CYP7B1: variants seen among roughly 807,000 people sequenced by gnomAD.
CYP7B1 encodes cytochrome P450 family 7 subfamily B member 1, also known as cytochrome P450 7B1.
A neutral mutation model predicts 42.7 loss-of-function variants in CYP7B1; 29 were observed. The ratio of observed to expected loss-of-function variants is 0.68; its 90% CI spans 0.51 to 0.93. The LOEUF is 0.93. CYP7B1 is among the 40% of genes least tolerant of loss of function. CYP7B1 has a pLI of 0.00. For synonymous variants in CYP7B1, 235 were observed against 218.2 expected (o/e 1.08, Z -0.68); for missense variants, 655 against 600.5 (o/e 1.09, Z -0.95).
chr8:64,688,829 A>G (rs2129632160), intron 1 of CYP7B1, among the ~76,000 whole-genome samples: 1 of 152,316 alleles, frequency 6.6e-6, no homozygotes, highest in African/African-American at 2.4e-5. Flanking sequence ...CAGGAGACTG[A>G]GGTGGGAGGA....
chr8:64,629,710 C>A (rs1019340144), intron 1 of CYP7B1, among the ~76,000 whole-genome samples: 2 of 152,166 alleles, frequency 1.3e-5, no homozygotes, highest in African/African-American at 4.8e-5. Context: ...TTCATAGTAC[C>A]TCTTGGAACT....
chr8:64,674,777 C>G (rs955481579), intron 1 of CYP7B1, among the ~76,000 whole-genome samples: 3 of 152,042 alleles, frequency 2.0e-5, no homozygotes, highest in Non-Finnish European at 4.4e-5. Flanking sequence ...AAAAATAAAA[C>G]AATACCTTTG....
intron 1 of CYP7B1, among the ~76,000 whole-genome samples, chr8:64,625,604 C>A (rs1047433611): frequency 1.3e-5 from 2 of 152,148 alleles, no homozygotes; most frequent in Admixed American, 6.5e-5. Context: ...TTAGTTTTGA[C>A]TAATATTTAT....
At chr8:64,625,307 A>G (rs939426901) in intron 1 of CYP7B1, among the ~76,000 whole-genome samples, 1 of 152,096 alleles carries the variant, frequency 6.6e-6, no homozygotes, top group Non-Finnish European at 1.5e-5. Context: ...CATCCTGGTG[A>G]GCAATTTTTT....
At chr8:64,704,412 T>C (rs904005257) in intron 1 of CYP7B1, among the ~76,000 whole-genome samples, 1 of 152,116 alleles carries the variant, frequency 6.6e-6, no homozygotes, top group African/African-American at 2.4e-5. Context: ...ATTTAATTCA[T>C]ATAATATGAC....
At chr8:64,766,583 C>A (rs965070478) in intron 1 of CYP7B1, among the ~76,000 whole-genome samples, 3 of 151,516 alleles carry the variant, frequency 2.0e-5, no homozygotes, top group African/African-American at 7.3e-5. Context: ...GGCTCTGGAA[C>A]AGGGAAAGGC....
chr8:64,634,318 C>T (rs1260768343), intron 1 of CYP7B1, among the ~76,000 whole-genome samples: 1 of 151,888 alleles, frequency 6.6e-6, no homozygotes, highest in East Asian at 1.9e-4. Context: ...ACCTGCAATC[C>T]CAGCACCTTG....
intron 1 of CYP7B1, among the ~76,000 whole-genome samples, chr8:64,694,879 C>T (rs141428473): frequency 4.3e-4 from 66 of 152,294 alleles, no homozygotes; most frequent in African/African-American, 1.5e-3. Context: ...AAAAGTTATA[C>T]ATAAATACAT....
Position 64,798,465 on chromosome 8 carries a change from C to G in CYP7B1, c.122+1G>C. 6.6e-7 allele frequency: 1 copy of G among 1,511,820 alleles called. No individual in the cohort carries two copies. Among genetic ancestry groups the G allele is most frequent in the Non-Finnish European group, 8.8e-7 (1 of 1,138,620 alleles). The allele number at this position is 1,511,820 out of a possible 1,614,324, so 93.7% of individuals were successfully genotyped here. A position where few individuals can be genotyped will look rare whatever the true frequency, so the allele number is the denominator to read the frequency against. On this transcript the variant is annotated splice_donor_variant, in intron 1 of 5. Transcript: ENST00000310193. LOFTEE classifies it high-confidence loss of function. ...CGTGGCCTGGCGGCCGAGGCGCTTA[C>G]CTGGTGCGCCGGACAAGCAAGCAGA...
At chr8:64,766,228 T>G (rs573912211) in intron 1 of CYP7B1, among the ~76,000 whole-genome samples, 1 of 152,244 alleles carries the variant, frequency 6.6e-6, no homozygotes, top group East Asian at 1.9e-4. Flanking sequence ...AGCCTATAAA[T>G]TATTCAATGA....
In CYP7B1 at chr8:64,652,200, A is replaced by G. The variant is rs553031781; in HGVS notation, c.123-27661T>C. Among the ~76,000 whole-genome samples, 14 of 152,360 alleles carry G rather than the reference A, an allele frequency of 9.2e-5. No homozygotes were observed. The East Asian group carries it at 2.5e-3, about 27-fold the overall frequency. ...CAATGATTCCAAACTTTCGTTATTC[A>G]TAGACTACTAACAATTTTTTTTGCC... On this transcript the variant is annotated intron_variant, in intron 1 of 5. Coordinates refer to ENST00000310193, the MANE Select transcript of CYP7B1 (RefSeq NM_004820.5).
At chr8:64,778,803 C>T (rs1804368980) in intron 1 of CYP7B1, among the ~76,000 whole-genome samples, 1 of 152,110 alleles carries the variant, frequency 6.6e-6, no homozygotes, top group South Asian at 2.1e-4. Flanking sequence ...ATCTTCTCTC[C>T]TGCTTTCCAT....
chr8:64,761,024 T>A (rs139821607), intron 1 of CYP7B1, among the ~76,000 whole-genome samples: 244 of 152,266 alleles, frequency 1.6e-3, no homozygotes, highest in Non-Finnish European at 2.0e-3. Context: ...GACGCAAATG[T>A]TGTCACTTAC....
intron 1 of CYP7B1, among the ~76,000 whole-genome samples, chr8:64,736,533 C>A (rs1006520829): frequency 6.6e-6 from 1 of 152,300 alleles, no homozygotes; most frequent in East Asian, 1.9e-4. Context: ...TCACTGCAAC[C>A]TCCGCCTCCT....
chr8:64,761,487 G>T (rs1227114035), intron 1 of CYP7B1, among the ~76,000 whole-genome samples: 2 of 152,066 alleles, frequency 1.3e-5, no homozygotes, highest in Non-Finnish European at 2.9e-5. Context: ...TGTCAATAAA[G>T]CTTGGGGGGA....
At chr8:64,640,617 A>T (rs1403947222) in intron 1 of CYP7B1, among the ~76,000 whole-genome samples, 1 of 152,154 alleles carries the variant, frequency 6.6e-6, no homozygotes, top group Admixed American at 6.6e-5. Flanking sequence ...TCCTGAAACT[A>T]AAAGAGATTT....
chr8:64,599,220 G>A (rs1016888887), intron 5 of CYP7B1, among the ~76,000 whole-genome samples: 3 of 151,750 alleles, frequency 2.0e-5, no homozygotes, highest in African/African-American at 4.8e-5. Context: ...ACGGAGTCTC[G>A]CTCTGTCGCC....
At chr8:64,655,873 C>G (rs1806113073) in intron 1 of CYP7B1, among the ~76,000 whole-genome samples, 1 of 152,154 alleles carries the variant, frequency 6.6e-6, no homozygotes, top group Non-Finnish European at 1.5e-5. Flanking sequence ...ATGGGTAGAG[C>G]TGGAGGCTAT....
intron 1 of CYP7B1, among the ~76,000 whole-genome samples, chr8:64,694,120 C>A (rs1435241631): frequency 6.6e-6 from 1 of 152,184 alleles, no homozygotes; most frequent in Non-Finnish European, 1.5e-5. Context: ...TCTCCAGATT[C>A]TCTACCTACT....
Sources: allele counts gnomAD v4.1 joint callset (sites outside exome capture counted in the v4.1 genomes callset), GRCh38; gene constraint gnomAD v4.1.1; transcripts MANE v1.5; gene names NCBI Gene and HGNC (gene_info 2026-07-23, HGNC 2026-07-21).